The following ZFAND3 variants were observed in gnomAD, a reference collection of about 807,000 sequenced individuals.
ZFAND3 encodes the protein AN1-type zinc finger protein 3.
A neutral mutation model predicts 29.6 loss-of-function variants in ZFAND3; 10 were observed. That is an observed-to-expected ratio of 0.34 (90% confidence interval 0.21 to 0.57). The LOEUF (loss-of-function observed/expected upper bound fraction) is 0.57, where lower values mean the gene tolerates loss of function less well. Among genes scored for constraint, ZFAND3 ranks in the 20% least tolerant of loss-of-function variants. The pLI is 0.86. For missense variants in ZFAND3, 230 were observed against 304.5 expected (o/e 0.76, Z 1.82); for synonymous variants, 128 against 112.6 (o/e 1.14, Z -0.87).
intron 4 of ZFAND3, among the ~76,000 whole-genome samples, chr6:38,101,540 G>A (rs955242225): frequency 6.6e-6 from 1 of 151,976 alleles, no homozygotes; most frequent in Non-Finnish European, 1.5e-5. Flanking sequence ...ACTAAATTTC[G>A]AGGCGGGCAG....
chr6:37,864,734 G>T (rs1356474060), intron 1 of ZFAND3, among the ~76,000 whole-genome samples: 1 of 93,396 alleles, frequency 1.1e-5, no homozygotes, highest in Non-Finnish European at 2.1e-5. Flanking sequence ...TATATATGTG[G>T]TTATACACAC....
At chr6:37,959,847 A>G (rs1762163050) in intron 2 of ZFAND3, among the ~76,000 whole-genome samples, 1 of 152,216 alleles carries the variant, frequency 6.6e-6, no homozygotes, top group Admixed American at 6.5e-5. Flanking sequence ...GAGAACACTT[A>G]TCACCTAACC....
chr6:37,970,447 CT>C (rs1390279693), intron 2 of ZFAND3, among the ~76,000 whole-genome samples: 1 of 152,144 alleles, frequency 6.6e-6, no homozygotes, highest in African/African-American at 2.4e-5. Context: ...GGAGCCCATT[CT>C]AGGGACTAAG....
chr6:38,146,740 G>A (rs1766117468), intron 5 of ZFAND3, among the ~76,000 whole-genome samples: 1 of 152,074 alleles, frequency 6.6e-6, no homozygotes, highest in South Asian at 2.1e-4. Flanking sequence ...CTCTTTTTGG[G>A]GGGTGAGCAT....
rs558770718 is a variant in ZFAND3 at position 37,827,575 on chromosome 6, G to T, written c.71+7559G>T. Among the ~76,000 whole-genome samples the T allele has an allele frequency of 2.6e-5, 4 of 152,322 alleles. No individual in the cohort carries two copies. In the South Asian group the frequency reaches 8.3e-4, roughly 32 times the overall value. On this transcript the variant is annotated intron_variant, in intron 1 of 5. Transcript: ENST00000287218. ...GTTACCATATATAGAGAAAGGTGGG[G>T]TATATTGGAATTTCCAGCAGTAGTG...
intron 1 of ZFAND3, among the ~76,000 whole-genome samples, chr6:37,830,181 CAG>C (rs1410242557): frequency 2.0e-5 from 3 of 151,746 alleles, no homozygotes; most frequent in Non-Finnish European, 4.4e-5. Context: ...AGTCATTGGA[CAG>C]AGATCTGTGT....
chr6:38,106,741 C>T (rs1436220434), intron 4 of ZFAND3, among the ~76,000 whole-genome samples: 1 of 152,024 alleles, frequency 6.6e-6, no homozygotes, highest in Admixed American at 6.6e-5. Context: ...ATTGGGGCCA[C>T]CTTGAGGGGA....
At chr6:38,097,072 G>A (rs1561997694) in intron 4 of ZFAND3, among the ~76,000 whole-genome samples, 1 of 151,874 alleles carries the variant, frequency 6.6e-6, no homozygotes, top group Non-Finnish European at 1.5e-5. Context: ...GGATGAGTGG[G>A]GAAGATAGGA....
At chr6:37,836,070 C>T (rs982819127) in intron 1 of ZFAND3, among the ~76,000 whole-genome samples, 33 of 152,058 alleles carry the variant, frequency 2.2e-4, no homozygotes. Flanking sequence ...TTTAGGGTGA[C>T]ATGAGTGTGT....
At position 37,977,332 on chromosome 6, in the gene ZFAND3, C is replaced by T. The variant is rs754981949; in HGVS notation, c.112+47333C>T. Among the ~76,000 whole-genome samples the T allele has an allele frequency of 1.3e-5, 2 of 152,132 alleles. 1 individual carries two copies. The highest frequency in any genetic ancestry group is 4.8e-5 in the African/African-American group (2 of 41,408). On this transcript the variant is annotated intron_variant, in intron 2 of 5. Transcript: ENST00000287218. The stretch of plus-strand genomic sequence containing the variant: ...TTTATTTATTTTTGAGACTGAGTCT[C>T]GCTCTGTCGCCCAGGCTGGAGTGCA...
intron 4 of ZFAND3, among the ~76,000 whole-genome samples, chr6:38,093,710 A>G (rs1013876296): frequency 1.3e-5 from 2 of 152,198 alleles, no homozygotes; most frequent in African/African-American, 4.8e-5. Context: ...AAGTTTGTGT[A>G]ATGTGTGGGA....
chr6:37,873,888 T>C (rs1764744814), intron 1 of ZFAND3, among the ~76,000 whole-genome samples: 1 of 152,238 alleles, frequency 6.6e-6, no homozygotes, highest in South Asian at 2.1e-4. Context: ...AGAAAAACTT[T>C]ACACTGAAAT....
At chr6:37,974,465 C>T (rs146379751) in intron 2 of ZFAND3, among the ~76,000 whole-genome samples, 279 of 142,086 alleles carry the variant, frequency 2.0e-3, no homozygotes, top group African/African-American at 7.0e-3. Flanking sequence ...AGGGCAGTAG[C>T]GTGATCACAC....
intron 1 of ZFAND3, among the ~76,000 whole-genome samples, chr6:37,855,137 G>A (rs1441140574): frequency 6.7e-6 from 1 of 150,008 alleles, no homozygotes; most frequent in Non-Finnish European, 1.5e-5. Context: ...GGATTTTGTG[G>A]CAATTTAATT....
chr6:38,080,160 G>T (rs533466374), intron 3 of ZFAND3, among the ~76,000 whole-genome samples: 3 of 151,920 alleles, frequency 2.0e-5, no homozygotes, highest in African/African-American at 7.3e-5. Flanking sequence ...CTGTCGGAGG[G>T]TGGGGGTCTA....
At chr6:38,069,132 C>T (rs911187124) in intron 3 of ZFAND3, among the ~76,000 whole-genome samples, 2 of 152,256 alleles carry the variant, frequency 1.3e-5, no homozygotes, top group Middle Eastern at 3.4e-3. Flanking sequence ...TTTGTTTTTA[C>T]CAATTAAATT....
At chr6:37,970,001 T>C (rs1762358515) in intron 2 of ZFAND3, among the ~76,000 whole-genome samples, 1 of 151,994 alleles carries the variant, frequency 6.6e-6, no homozygotes, top group Non-Finnish European at 1.5e-5. Context: ...ACCCTGTCTC[T>C]ACAAAAATCC....
chr6:38,069,099 C>T (rs2127466320), intron 3 of ZFAND3, among the ~76,000 whole-genome samples: 1 of 152,112 alleles, frequency 6.6e-6, no homozygotes, highest in East Asian at 1.9e-4. Flanking sequence ...TCACTGCCAC[C>T]AAGCGGCTAA....
intron 1 of ZFAND3, among the ~76,000 whole-genome samples, chr6:37,914,662 C>CTTTTTTTTTCTTT (rs1761201760): frequency 4.8e-5 from 3 of 62,474 alleles, no homozygotes; most frequent in African/African-American, 2.0e-4. Flanking sequence ...TTCTTTCTTT[C>CTTTTTTTTTCTTT]TTTTTTTTTC....
Sources: gnomAD v4.1 joint callset for allele counts (sites outside exome capture counted in the v4.1 genomes callset) on GRCh38, gnomAD v4.1.1 for gene constraint, MANE v1.5 for transcripts, NCBI Gene and HGNC (gene_info 2026-07-23, HGNC 2026-07-21) for gene names.